Variants in ARHGAP26 observed in about 807,000 individuals in gnomAD.
The protein encoded by ARHGAP26 is Rho GTPase activating protein 26.
ARHGAP26 carries 38 observed loss-of-function variants against 104.8 expected under a neutral mutation model. The observed-to-expected ratio is 0.36, with a 90% CI of 0.28 to 0.48. ARHGAP26 has a LOEUF of 0.48. ARHGAP26 is among the 20% of genes least tolerant of loss of function. The pLI is 0.99. For missense variants in ARHGAP26, 704 were observed against 947.9 expected (o/e 0.74, Z 3.38); for synonymous variants, 341 against 340.0 (o/e 1.00, Z -0.03).
intron 20 of ARHGAP26, among the ~76,000 whole-genome samples, chr5:143,201,974 G>A (rs182279450): frequency 2.6e-5 from 4 of 152,314 alleles, no homozygotes; most frequent in Non-Finnish European, 1.5e-5. Flanking sequence ...GAATATCCTT[G>A]TTAATTTTCT....
intron 20 of ARHGAP26, chr5:143,170,688 A>T (rs1470459308): frequency 6.6e-5 from 10 of 152,232 alleles, no homozygotes. Context: ...CACATTTTGC[A>T]CATGAGGCAT....
chr5:143,145,020 T>C (rs1161763673), intron 19 of ARHGAP26, among the ~76,000 whole-genome samples: 1 of 152,212 alleles, frequency 6.6e-6, no homozygotes, highest in Non-Finnish European at 1.5e-5. Flanking sequence ...CAGCAAGGGA[T>C]ACCAATAAAG....
intron 1 of ARHGAP26, among the ~76,000 whole-genome samples, chr5:142,823,335 A>G (rs764074866): frequency 6.6e-6 from 1 of 152,068 alleles, no homozygotes; most frequent in Non-Finnish European, 1.5e-5. Flanking sequence ...GCAGATTACA[A>G]ATGTTGGCTA....
At chr5:143,096,259 T>C (rs1316532585) in intron 17 of ARHGAP26, among the ~76,000 whole-genome samples, 2 of 152,252 alleles carry the variant, frequency 1.3e-5, no homozygotes, top group Admixed American at 1.3e-4. Flanking sequence ...CATTTGTTAA[T>C]ATCACCACTT....
chr5:143,177,143 G>A (rs1451248415), intron 20 of ARHGAP26, among the ~76,000 whole-genome samples: 1 of 152,112 alleles, frequency 6.6e-6, no homozygotes, highest in African/African-American at 2.4e-5. Flanking sequence ...GCTGGTTTGG[G>A]TGATAAGTTA....
At chr5:142,821,980 A>G (rs1032578551) in intron 1 of ARHGAP26, among the ~76,000 whole-genome samples, 4 of 152,202 alleles carry the variant, frequency 2.6e-5, no homozygotes, top group South Asian at 2.1e-4. Flanking sequence ...CCTTTGAGGG[A>G]AATAAAAAGT....
intron 1 of ARHGAP26, among the ~76,000 whole-genome samples, chr5:142,797,798 G>C (rs976004815): frequency 2.6e-5 from 4 of 152,232 alleles, no homozygotes; most frequent in African/African-American, 9.6e-5. Flanking sequence ...CCAAAGACCA[G>C]TTGCCACTCT....
Position 143,228,206 on chromosome 5 carries a change from A to C in ARHGAP26, c.*5760A>C. On this transcript the variant is annotated 3_prime_UTR_variant, in exon 23 of 23. Transcript: ENST00000645722. ...TGCCAGAATCAACCTTGTATCTGAC[A>C]ATGCACATCTGTTGATTCTAAAGTA... 4.4e-6 allele frequency: 1 copy of C among 225,324 alleles called. No individual in the cohort carries two copies. The highest frequency in any genetic ancestry group is 8.8e-6 in the Non-Finnish European group (1 of 113,112). 14.0% of individuals were successfully genotyped at this position (225,324 alleles called of 1,614,324 possible). A position where few individuals can be genotyped will look rare whatever the true frequency, so the allele number is the denominator to read the frequency against.
At chr5:143,138,767 G>C (rs1343467983) in intron 19 of ARHGAP26, among the ~76,000 whole-genome samples, 1 of 152,144 alleles carries the variant, frequency 6.6e-6, no homozygotes, top group African/African-American at 2.4e-5. Flanking sequence ...TCTTGTGTTG[G>C]ACATTGTGCA....
intron 11 of ARHGAP26, among the ~76,000 whole-genome samples, chr5:142,960,111 C>T (rs1769966538): frequency 6.6e-6 from 1 of 152,238 alleles, no homozygotes; most frequent in Non-Finnish European, 1.5e-5. Context: ...CCAAGTAAGA[C>T]AGCTAGGACA....
At chr5:142,890,146 AAAAAAATATATATATATATAT>A (rs1175658615) in intron 5 of ARHGAP26, among the ~76,000 whole-genome samples, 1,127 of 89,210 alleles carry the variant, frequency 0.013, 77 homozygotes, top group African/African-American at 0.049. Context: ...TAAAAAAAAA[AAAAAAATATATATATATATAT>A]ATATATATAT....
chr5:143,205,231 T>C (rs1247000213), intron 20 of ARHGAP26, among the ~76,000 whole-genome samples: 1 of 152,186 alleles, frequency 6.6e-6, no homozygotes, highest in Non-Finnish European at 1.5e-5. Flanking sequence ...TTGTCAAATA[T>C]ATTTTAAGCT....
At chr5:142,881,336 G>C (rs558202173) in intron 4 of ARHGAP26, among the ~76,000 whole-genome samples, 8 of 152,196 alleles carry the variant, frequency 5.3e-5, no homozygotes, top group Non-Finnish European at 1.0e-4. Flanking sequence ...TGGTTACCAA[G>C]GAGGTGAGGC....
chr5:143,164,858 A>G (rs1801715786), intron 20 of ARHGAP26: 1 of 152,200 alleles, frequency 6.6e-6, no homozygotes, highest in African/African-American at 2.4e-5. Flanking sequence ...TTAGGTCTCT[A>G]TGTACAAAAA....
At position 143,178,161 on chromosome 5, in the gene ARHGAP26, G is replaced by T. The variant is rs140864428; in HGVS notation, c.1989-29037G>T. Among the ~76,000 whole-genome samples, 1,299 of 151,832 alleles carry T rather than the reference G, an allele frequency of 8.6e-3. 27 individuals are homozygous for T. Among genetic ancestry groups the T allele is most frequent in the African/African-American group, 0.03 (1,256 of 41,388 alleles). ...ATTATAGGTGCATGCCACCATGCCC[G>T]GCTAATTTTTGTATTTTCAGTAGAG... On this transcript the variant is annotated intron_variant, in intron 20 of 22. Coordinates refer to ENST00000645722, the MANE Select transcript of ARHGAP26 (RefSeq NM_001135608.3).
chr5:142,841,275 G>A (rs578081600), intron 1 of ARHGAP26, among the ~76,000 whole-genome samples: 17 of 152,288 alleles, frequency 1.1e-4, no homozygotes, highest in Non-Finnish European at 7.3e-5. Flanking sequence ...CAAATCCTGG[G>A]TGATAGGGAA....
intron 1 of ARHGAP26, among the ~76,000 whole-genome samples, chr5:142,824,823 G>A (rs1041533722): frequency 6.6e-6 from 1 of 152,194 alleles, no homozygotes; most frequent in African/African-American, 2.4e-5. Context: ...CCACGGAAGG[G>A]GCTAGGCTTT....
intron 9 of ARHGAP26, among the ~76,000 whole-genome samples, chr5:142,910,358 A>C (rs1761672397): frequency 6.6e-6 from 1 of 152,220 alleles, no homozygotes; most frequent in Non-Finnish European, 1.5e-5. Context: ...TTTAGGGTGA[A>C]GGAAATATGA....
intron 1 of ARHGAP26, among the ~76,000 whole-genome samples, chr5:142,847,305 T>A (rs1331008168): frequency 6.6e-6 from 1 of 152,194 alleles, no homozygotes; most frequent in African/African-American, 2.4e-5. Context: ...AACCTGAGCC[T>A]TGGGGAAGCT....
Sources: gnomAD v4.1 joint callset for allele counts (sites outside exome capture counted in the v4.1 genomes callset) on GRCh38, gnomAD v4.1.1 for gene constraint, MANE v1.5 for transcripts, NCBI Gene and HGNC (gene_info 2026-07-23, HGNC 2026-07-21) for gene names.